TMEFF2: variants seen among roughly 807,000 people sequenced by gnomAD.
TMEFF2 encodes transmembrane protein with EGF like and two follistatin like domains 2.
A neutral mutation model predicts 53.8 loss-of-function variants in TMEFF2; 28 were observed. The observed-to-expected ratio is 0.52, with a 90% CI of 0.39 to 0.71. The LOEUF (loss-of-function observed/expected upper bound fraction) is 0.71. Among genes scored for constraint, TMEFF2 ranks in the 30% least tolerant of loss-of-function variants. TMEFF2 has a pLI of 0.00. For synonymous variants in TMEFF2, 162 were observed against 166.3 expected (o/e 0.97, Z 0.20); for missense variants, 353 against 455.2 (o/e 0.78, Z 2.04).
chr2:192,173,822 C>CTT (rs1202786465), intron 4 of TMEFF2, among the ~76,000 whole-genome samples: 1 of 151,734 alleles, frequency 6.6e-6, no homozygotes, highest in East Asian at 1.9e-4. Flanking sequence ...ACCATCAATA[C>CTT]TTTAAGCCAT....
At chr2:192,099,509 C>T (rs927576642) in intron 4 of TMEFF2, among the ~76,000 whole-genome samples, 14 of 152,082 alleles carry the variant, frequency 9.2e-5, no homozygotes, top group Admixed American at 8.5e-4. Flanking sequence ...GTTGGCAATG[C>T]TCTGTTTTTC....
intron 4 of TMEFF2, among the ~76,000 whole-genome samples, chr2:192,101,534 C>T (rs2105944930): frequency 6.6e-6 from 1 of 152,180 alleles, no homozygotes; most frequent in South Asian, 2.1e-4. Flanking sequence ...ATTTTGTATT[C>T]TTTCTCTTAA....
At chr2:192,009,102 A>G (rs1686567637) in intron 5 of TMEFF2, among the ~76,000 whole-genome samples, 1 of 152,212 alleles carries the variant, frequency 6.6e-6, no homozygotes, top group African/African-American at 2.4e-5. Context: ...ACTCATGATA[A>G]TTATTTTCAG....
At chr2:192,023,408 C>A (rs1346130091) in intron 5 of TMEFF2, among the ~76,000 whole-genome samples, 1 of 152,146 alleles carries the variant, frequency 6.6e-6, no homozygotes, top group Non-Finnish European at 1.5e-5. Flanking sequence ...ACTGTAATTT[C>A]TGCCTGAGTT....
chr2:192,072,099 G>A (rs960023278), intron 4 of TMEFF2, among the ~76,000 whole-genome samples: 20 of 152,012 alleles, frequency 1.3e-4, no homozygotes, highest in African/African-American at 4.1e-4. Flanking sequence ...AGCCTTATAC[G>A]AGAGGTGAGA....
intron 5 of TMEFF2, among the ~76,000 whole-genome samples, chr2:192,050,349 T>G (rs1687736971): frequency 6.6e-6 from 1 of 152,196 alleles, no homozygotes; most frequent in South Asian, 2.1e-4. Context: ...ATTTAAAAGA[T>G]TCTCTAGAAT....
intron 5 of TMEFF2, among the ~76,000 whole-genome samples, chr2:192,010,886 C>T (rs1574288977): frequency 6.6e-6 from 1 of 152,164 alleles, no homozygotes; most frequent in South Asian, 2.1e-4. Context: ...CTCCCTGGTG[C>T]CTTCTAACAA....
In TMEFF2 at chr2:192,008,323, A is replaced by G. The variant is rs372329604; in HGVS notation, c.537-9115T>C. Among the ~76,000 whole-genome samples the G allele has an allele frequency of 2.8e-4, 43 of 152,226 alleles. 1 individual carries two copies. The East Asian group carries it at 4.8e-3, about 17-fold the overall frequency. Reference sequence around the variant, plus strand: ...TTGCTCCCACGTCCCTCTTCAGTGCATATGATAGATGGAAGCAGGATTTAA... The same window carrying G: ...TTGCTCCCACGTCCCTCTTCAGTGCGTATGATAGATGGAAGCAGGATTTAA... On this transcript the variant is annotated intron_variant, in intron 5 of 9. Transcript: ENST00000272771.
chr2:192,004,349 G>A (rs1686447011), intron 5 of TMEFF2, among the ~76,000 whole-genome samples: 1 of 152,194 alleles, frequency 6.6e-6, no homozygotes, highest in South Asian at 2.1e-4. Context: ...GCAAGAAAAT[G>A]TTTTCACCAG....
intron 4 of TMEFF2, among the ~76,000 whole-genome samples, chr2:192,083,015 A>C (rs759034682): frequency 1.6e-4 from 22 of 136,848 alleles, no homozygotes; most frequent in Admixed American, 3.1e-4. Context: ...TTCTTCTGTG[A>C]TGTTGCTGAA....
chr2:191,950,169 C>T lies in TMEFF2; in HGVS notation c.*142G>A. The T allele has an allele frequency of 2.1e-6, 3 of 1,461,284 alleles. No homozygotes were observed. Among genetic ancestry groups the T allele is most frequent in the Non-Finnish European group, 1.8e-6 (2 of 1,111,192 alleles). 90.5% of individuals were successfully genotyped at this position (1,461,284 alleles called of 1,614,324 possible). A position where few individuals can be genotyped will look rare whatever the true frequency, so the allele number is the denominator to read the frequency against. On this transcript the variant is annotated 3_prime_UTR_variant, in exon 10 of 10. Transcript: ENST00000272771. ...TATATCCATACATAATCAAATATAG[C>T]TGTAGTACATGTTTTCATTGGTGTA...
chr2:192,148,021 T>G (rs1004697570), intron 4 of TMEFF2, among the ~76,000 whole-genome samples: 1 of 152,086 alleles, frequency 6.6e-6, no homozygotes, highest in South Asian at 2.1e-4. Context: ...AGTCTGTCTA[T>G]TGAGCTTAGG....
chr2:192,069,444 A>G (rs1688236453), intron 4 of TMEFF2, among the ~76,000 whole-genome samples: 1 of 151,856 alleles, frequency 6.6e-6, no homozygotes, highest in African/African-American at 2.4e-5. Flanking sequence ...CAAACATTTA[A>G]GGACAGGAAG....
intron 3 of TMEFF2, 76 bp downstream of exon 3, chr2:192,184,278 G>C: frequency 6.5e-7 from 1 of 1,545,806 alleles, no homozygotes; most frequent in Non-Finnish European, 8.8e-7. Context: ...TTTATTGGGA[G>C]ATAACAAGAA....
intron 5 of TMEFF2, among the ~76,000 whole-genome samples, chr2:192,004,661 A>G (rs1328914061): frequency 2.6e-5 from 4 of 152,188 alleles, no homozygotes; most frequent in Non-Finnish European, 5.9e-5. Context: ...AAAGAAAAAG[A>G]AAAAAGGTAG....
chr2:192,044,176 C>T (rs1166102702), intron 5 of TMEFF2: 1 of 152,168 alleles, frequency 6.6e-6, no homozygotes, highest in Admixed American at 6.5e-5. Flanking sequence ...ACCACTATGT[C>T]ATAATTTAGT....
In TMEFF2 at chr2:191,982,768, G is replaced by A. The variant is rs866352883; in HGVS notation, c.745+15494C>T. 1.7e-4 allele frequency among the ~76,000 whole-genome samples: 26 copies of A among 151,998 alleles called. 1 individual carries two copies. The highest frequency in any genetic ancestry group is 3.4e-3 in the Middle Eastern group (1 of 294). ...TTTGAATGTAATATAATATTACTAG[G>A]CATTTGAGTATGTACAGTTTTATCA... On this transcript the variant is annotated intron_variant, in intron 7 of 9. Coordinates refer to ENST00000272771, the MANE Select transcript of TMEFF2 (RefSeq NM_016192.4).
intron 4 of TMEFF2, among the ~76,000 whole-genome samples, chr2:192,127,043 A>G (rs1350648946): frequency 6.6e-6 from 1 of 152,208 alleles, no homozygotes; most frequent in Non-Finnish European, 1.5e-5. Context: ...TTATTTAGAC[A>G]GCTGTAACAC....
chr2:192,190,775 G>A (rs1425673423), intron 2 of TMEFF2, among the ~76,000 whole-genome samples: 1 of 152,126 alleles, frequency 6.6e-6, no homozygotes, highest in African/African-American at 2.4e-5. Context: ...CTTTCTTAGT[G>A]GGAGGTTGAA....
Sources: gnomAD v4.1 joint callset for allele counts (sites outside exome capture counted in the v4.1 genomes callset) on GRCh38, gnomAD v4.1.1 for gene constraint, MANE v1.5 for transcripts, NCBI Gene and HGNC (gene_info 2026-07-23, HGNC 2026-07-21) for gene names.